The following ARHGAP22 variants were observed in gnomAD, a reference collection of about 807,000 sequenced individuals.
ARHGAP22 encodes Rho GTPase activating protein 22.
ARHGAP22 carries 48 observed loss-of-function variants against 59.1 expected under a neutral mutation model. The observed-to-expected ratio is 0.81, with a 90% CI of 0.64 to 1.03. The LOEUF is 1.03. Among genes scored for constraint, ARHGAP22 ranks in the 50% least tolerant of loss-of-function variants. The pLI, the probability that ARHGAP22 is intolerant of heterozygous loss-of-function variation, is 0.00. For missense variants in ARHGAP22, 1,015 were observed against 958.7 expected, an observed-to-expected ratio of 1.06 and a Z score of -0.78; for synonymous variants, 445 against 416.4, an observed-to-expected ratio of 1.07 and a Z score of -0.84.
chr10:48,655,015 TTTCTTTCTTTCTTTCA>T (rs1172397766), upstream of ARHGAP22, among the ~76,000 whole-genome samples: 28 of 65,736 alleles, frequency 4.3e-4, 4 homozygotes, highest in Middle Eastern at 5.4e-3. Flanking sequence ...TTTCTCTTTC[TTTCTTTCTTTCTTTCA>T]TTCTTTCTTT....
chr10:48,479,863 A>C (rs1219618377), intron 3 of ARHGAP22, 99 bp from the exon 4 acceptor site: 12 of 1,235,522 alleles, frequency 9.7e-6, no homozygotes, highest in Non-Finnish European at 1.2e-5. Flanking sequence ...GGATATTCCC[A>C]AAGTCCTTCC....
At chr10:48,493,617 G>GCCTTTTGT (rs2134256000) in intron 3 of ARHGAP22, 1 of 1,459,290 alleles carries the variant, frequency 6.9e-7, no homozygotes, top group East Asian at 2.5e-5. Context: ...CTGCCTGTGT[G>GCCTTTTGT]CTCTGCCTGT....
intron 3 of ARHGAP22, among the ~76,000 whole-genome samples, chr10:48,512,728 A>G (rs2052907276): frequency 6.6e-6 from 1 of 152,188 alleles, no homozygotes; most frequent in African/African-American, 2.4e-5. Flanking sequence ...CAAACAGTAG[A>G]TGGCAGAGCC....
chr10:48,520,879 G>A (rs2053746149), intron 3 of ARHGAP22, among the ~76,000 whole-genome samples: 1 of 152,104 alleles, frequency 6.6e-6, no homozygotes, highest in African/African-American at 2.4e-5. Context: ...GTCCGCTCCT[G>A]CCCCTCGCTG....
chr10:48,620,930 T>A (rs993669590), intron 1 of ARHGAP22, among the ~76,000 whole-genome samples: 2 of 152,042 alleles, frequency 1.3e-5, no homozygotes, highest in Non-Finnish European at 2.9e-5. Flanking sequence ...GAGGGAGGAG[T>A]TCAGGCTGCC....
chr10:48,473,283 A>G (rs1425748386), intron 4 of ARHGAP22, among the ~76,000 whole-genome samples: 1 of 152,146 alleles, frequency 6.6e-6, no homozygotes, highest in Admixed American at 6.6e-5. Context: ...AGGTGCTTAG[A>G]GCAGTCAAAT....
At chr10:48,568,784 G>C (rs1053775967) in intron 2 of ARHGAP22, among the ~76,000 whole-genome samples, 5 of 152,242 alleles carry the variant, frequency 3.3e-5, no homozygotes, top group African/African-American at 1.2e-4. Flanking sequence ...ACCAGGAAGA[G>C]CCCTTGGGGA....
At chr10:48,621,214 A>G (rs1219455516) in intron 1 of ARHGAP22, among the ~76,000 whole-genome samples, 1 of 149,620 alleles carries the variant, frequency 6.7e-6, no homozygotes, top group Non-Finnish European at 1.5e-5. Context: ...GTACATCTCC[A>G]TTACAGCTTT....
At chr10:48,479,245 G>A (rs576369079) in intron 4 of ARHGAP22, 8 of 244,712 alleles carry the variant, frequency 3.3e-5, no homozygotes, top group Admixed American at 1.1e-4. Flanking sequence ...CACCCCCGCC[G>A]TCCTCTCACT....
At chr10:48,632,206 G>A (rs61838408) in intron 1 of ARHGAP22, among the ~76,000 whole-genome samples, 3 of 152,178 alleles carry the variant, frequency 2.0e-5, no homozygotes, top group Non-Finnish European at 4.4e-5. Context: ...ACTTACAAGT[G>A]AGAACATATG....
chr10:48,495,295 C>T (rs1449034911), intron 3 of ARHGAP22, among the ~76,000 whole-genome samples: 1 of 152,166 alleles, frequency 6.6e-6, no homozygotes, highest in African/African-American at 2.4e-5. Context: ...GAGTGCTCAC[C>T]ATATGCTGGG....
chr10:48,536,261 T>C (rs185409609), intron 3 of ARHGAP22, among the ~76,000 whole-genome samples: 8 of 152,328 alleles, frequency 5.3e-5, no homozygotes, highest in Admixed American at 2.0e-4. Context: ...GCCTTGGTGT[T>C]GCCAATGAGA....
intron 2 of ARHGAP22, among the ~76,000 whole-genome samples, chr10:48,557,701 G>A (rs2135350406): frequency 6.6e-6 from 1 of 152,362 alleles, no homozygotes; most frequent in East Asian, 1.9e-4. Flanking sequence ...GAGCCAGGCT[G>A]TGACTGTGGG....
At chr10:48,435,053 G>GC in the ARHGAP22 span, 3 of 1,095,530 alleles carry the variant, frequency 2.7e-6, no homozygotes, top group Non-Finnish European at 3.9e-6. Context: ...CGGGGGGTGG[G>GC]AGGGATGGGG....
At chr10:48,525,225 T>A (rs1301561096) in intron 3 of ARHGAP22, among the ~76,000 whole-genome samples, 1 of 152,240 alleles carries the variant, frequency 6.6e-6, no homozygotes, top group Non-Finnish European at 1.5e-5. Flanking sequence ...AGGCTATTCA[T>A]GGCAGCCTTG....
chr10:48,496,125 T>A (rs908817707), intron 3 of ARHGAP22, among the ~76,000 whole-genome samples: 1 of 152,128 alleles, frequency 6.6e-6, no homozygotes, highest in Non-Finnish European at 1.5e-5. Flanking sequence ...TAATAAATGT[T>A]TGTGTTTTAA....
At chr10:48,572,140 TA>T (rs2135496332) in intron 2 of ARHGAP22, among the ~76,000 whole-genome samples, 1 of 152,216 alleles carries the variant, frequency 6.6e-6, no homozygotes, top group South Asian at 2.1e-4. Flanking sequence ...CAACTGACTT[TA>T]TGGCAATAAG....
At chr10:48,485,722 T>C (rs1167922684) in intron 3 of ARHGAP22, among the ~76,000 whole-genome samples, 2 of 152,236 alleles carry the variant, frequency 1.3e-5, no homozygotes, top group Non-Finnish European at 2.9e-5. Flanking sequence ...CTTGAAGAAC[T>C]GACCTCTTTA....
rs1396132019 is a variant in ARHGAP22, at chr10:48,599,754, C to G, written c.34+5009G>C. On this transcript the variant is annotated intron_variant, in intron 1 of 9. Transcript: ENST00000249601. The stretch of plus-strand genomic sequence containing the variant: ...CCCACTAGCCTGCTGCTTGGCCAGG[C>G]TGACTTTCAGGGGAACAAATCTGGG... Among the ~76,000 whole-genome samples the G allele has an allele frequency of 2.0e-5, 3 of 152,292 alleles. No individual in the cohort carries two copies. The East Asian group carries it at 5.8e-4, about 29-fold the overall frequency.
Sources: allele counts gnomAD v4.1 joint callset (sites outside exome capture counted in the v4.1 genomes callset), GRCh38; gene constraint gnomAD v4.1.1; transcripts MANE v1.5; gene names NCBI Gene and HGNC (gene_info 2026-07-23, HGNC 2026-07-21).